Variants in MIOS observed in about 807,000 individuals in gnomAD.
MIOS encodes GATOR2 complex protein MIOS.
Under a neutral mutation model 96.9 loss-of-function variants are expected in MIOS, and 52 were observed. The observed-to-expected ratio is 0.54, with a 90% CI of 0.43 to 0.68. MIOS has a LOEUF of 0.68. MIOS is among the 30% of genes least tolerant of loss of function. The pLI, the probability that MIOS is intolerant of heterozygous loss-of-function variation, is 0.00. For missense variants in MIOS, 1,005 were observed against 1,052.8 expected (o/e 0.95, Z 0.63); for synonymous variants, 397 against 359.5 (o/e 1.10, Z -1.18).
intron 9 of MIOS, among the ~76,000 whole-genome samples, chr7:7,591,121 G>T (rs1220631073): frequency 6.6e-6 from 1 of 151,804 alleles, no homozygotes; most frequent in Non-Finnish European, 1.5e-5. Flanking sequence ...AGCATTCCTT[G>T]TAATATAGGT....
At chr7:7,588,934 A>G (rs933490798) in intron 8 of MIOS, among the ~76,000 whole-genome samples, 1 of 152,140 alleles carries the variant, frequency 6.6e-6, no homozygotes, top group Non-Finnish European at 1.5e-5. Flanking sequence ...CAGTAATACT[A>G]TATGCTAAGT....
chr7:7,593,896 G>A (rs7793749), intron 9 of MIOS, among the ~76,000 whole-genome samples: 103,418 of 126,642 alleles, frequency 0.82, 40,323 homozygotes, highest in Admixed American at 0.86. Flanking sequence ...AAAAAAAAAA[G>A]AAAAAGAAAA....
chr7:7,585,501 C>T (rs996609169), intron 6 of MIOS, 135 bp from the exon 7 acceptor site: 1 of 640,294 alleles, frequency 1.6e-6, no homozygotes, highest in Non-Finnish European at 2.3e-6. Context: ...GCAGAGCAGC[C>T]CAAAACCCTT....
At chr7:7,577,818 G>C (rs1334137048) in intron 5 of MIOS, among the ~76,000 whole-genome samples, 1 of 152,116 alleles carries the variant, frequency 6.6e-6, no homozygotes, top group Non-Finnish European at 1.5e-5. Flanking sequence ...GAGAAGAGGA[G>C]AGAGAGCTGT....
In MIOS at chr7:7,572,528, T is replaced by A. The variant is rs757519347; in HGVS notation, c.53T>A (p.Phe18Tyr). The change falls in exon 4 of 13, where the codon TTT becomes TAT. Residue 18 changes from phenylalanine (F) to tyrosine (Y), a missense_variant. Phe to Tyr is a conservative substitution (Grantham distance 22). Around this residue, in one of 3 missense-constraint regions of MIOS, gnomAD observed 137 missense variants for 148.6 expected, o/e 0.92. Coordinates refer to ENST00000340080, the MANE Select transcript of MIOS (RefSeq NM_019005.4). This position sits in a 1 kb window ranked among gnomAD's most constrained non-coding sequence, Gnocchi z 4.8. ...TGGGCACCACACCATGTTGATAGAT[T>A]TGTTGTGTGTGACTCAGAACTAAGT... ...ILWAPHHVDR[F>Y]VVCDSELSLY... 7 of 1,614,000 alleles carry A rather than the reference T, an allele frequency of 4.3e-6. No homozygotes were observed. The South Asian group carries it at 6.6e-5, about 15-fold the overall frequency.
chr7:7,587,313 C>G (rs1417381981), intron 7 of MIOS, among the ~76,000 whole-genome samples: 1 of 152,140 alleles, frequency 6.6e-6, no homozygotes, highest in Non-Finnish European at 1.5e-5. Flanking sequence ...AGCCGCCATG[C>G]CCTGCCCCAG....
intron 9 of MIOS, among the ~76,000 whole-genome samples, chr7:7,592,522 C>T (rs1264866738): frequency 6.6e-6 from 1 of 152,050 alleles, no homozygotes; most frequent in Non-Finnish European, 1.5e-5. Flanking sequence ...ATTATTATTG[C>T]ACTGTAATAC....
At chr7:7,600,591 G>C (rs572978096) in intron 11 of MIOS, among the ~76,000 whole-genome samples, 5 of 152,222 alleles carry the variant, frequency 3.3e-5, no homozygotes, top group Admixed American at 1.3e-4. Flanking sequence ...CCTACAAAGA[G>C]ACTTAGACTC....
At chr7:7,577,656 A>G (rs2115376339) in intron 5 of MIOS, among the ~76,000 whole-genome samples, 1 of 152,316 alleles carries the variant, frequency 6.6e-6, no homozygotes, top group South Asian at 2.1e-4. Context: ...TTAGCTTTAG[A>G]TACAAGGGTG....
Position 7,572,624 on chromosome 7 carries a change from C to G in MIOS, c.149C>G (p.Ala50Gly). Residue 50 changes from alanine to glycine, a missense_variant, in exon 4 of 13, where the codon GCA (alanine) becomes GGA (glycine). Around this residue, in one of 3 missense-constraint regions of MIOS, gnomAD observed 137 missense variants for 148.6 expected, o/e 0.92. Transcript: ENST00000340080. The surrounding 1 kb of genome is among the most constrained non-coding windows in gnomAD (Gnocchi z 4.8). ...TCTTTACGTTTATCTGAAGACTCTGCAGCTACATTACTGTCAATAAATTCA... is the reference window on the plus strand; with the variant it reads ...TCTTTACGTTTATCTGAAGACTCTGGAGCTACATTACTGTCAATAAATTCA... ...AGSLRLSEDSAATLLSINSDT... is the reference protein window; with the variant it reads ...AGSLRLSEDSGATLLSINSDT... 6.2e-7 allele frequency: 1 copy of G among 1,614,118 alleles called. No individual in the cohort carries two copies. The highest frequency in any genetic ancestry group is 1.1e-5 in the South Asian group (1 of 91,086).
At chr7:7,601,666 CTTCTGAAACTAT>C (rs1315030828) in intron 11 of MIOS, among the ~76,000 whole-genome samples, 7 of 152,290 alleles carry the variant, frequency 4.6e-5, no homozygotes, top group African/African-American at 1.7e-4. Flanking sequence ...GGTACCATTC[CTTCTGAAACTAT>C]TCCAATCAAT....
chr7:7,573,923 G>A lies in MIOS; in HGVS notation c.1294+154G>A, dbSNP rs969754485. Among the ~76,000 whole-genome samples the A allele has an allele frequency of 2.6e-5, 4 of 152,080 alleles. No homozygotes were observed. The East Asian group carries it at 5.8e-4, about 22-fold the overall frequency. The stretch of plus-strand genomic sequence containing the variant: ...TAAAGTAAAATTGTTCTAAACTTTC[G>A]AACTTGAAATACTGCTTTGTAGATT... On this transcript the variant is annotated intron_variant, in intron 4 of 12. Transcript: ENST00000340080. This position sits in a 1 kb window ranked among gnomAD's most constrained non-coding sequence, Gnocchi z 5.0.
intron 7 of MIOS, among the ~76,000 whole-genome samples, chr7:7,586,988 C>CTTTTTT (rs71988879): frequency 2.4e-5 from 3 of 123,046 alleles, no homozygotes; most frequent in African/African-American, 9.1e-5. Flanking sequence ...TTTTCTTTCC[C>CTTTTTT]TTTTTTTTTT....
At position 7,572,369 on chromosome 7, in the gene MIOS, A is replaced by T; in HGVS notation, c.-40-67A>T. 1.3e-6 allele frequency: 1 copy of T among 761,732 alleles called. No individual in the cohort carries two copies. The highest frequency in any genetic ancestry group is 2.7e-5 in the South Asian group (1 of 37,018). The allele number at this position is 761,732 out of a possible 1,614,324, so 47.2% of individuals were successfully genotyped here. On this transcript the variant is annotated intron_variant, in intron 3 of 12. Coordinates refer to ENST00000340080, the MANE Select transcript of MIOS (RefSeq NM_019005.4). This position sits in a 1 kb window ranked among gnomAD's most constrained non-coding sequence, Gnocchi z 4.8. ...TAGAGAATTTTCTGACTTTCTGAAT[A>T]GTTTATTCAACGTAAGAATTATATT...
Position 7,590,996 on chromosome 7 carries a change from GTTTT to G in MIOS, c.2043+1437_2043+1440del, listed in dbSNP as rs201678021. Among the ~76,000 whole-genome samples, 4 of 152,158 alleles carry G rather than the reference GTTTT, an allele frequency of 2.6e-5. No homozygotes were observed. The South Asian group carries it at 8.3e-4, about 32-fold the overall frequency. The stretch of plus-strand genomic sequence containing the variant: ...GATATTATATACTCCAACTTACAGT[GTTTT>G]TTTAACAGTCATTTGTCTTTTATGT... On this transcript the variant is annotated intron_variant, in intron 9 of 12. Coordinates refer to ENST00000340080, the MANE Select transcript of MIOS (RefSeq NM_019005.4).
intron 9 of MIOS, 139 bp from the exon 10 acceptor site, chr7:7,594,841 T>A (rs1784156739): frequency 2.0e-6 from 1 of 503,264 alleles, no homozygotes. Flanking sequence ...TTCTTTATTC[T>A]CATTAGGAGC....
chr7:7,602,776 A>G (rs926614470), intron 11 of MIOS, among the ~76,000 whole-genome samples: 2 of 152,092 alleles, frequency 1.3e-5, no homozygotes, highest in African/African-American at 4.8e-5. Context: ...ATCCCAAGCC[A>G]AAAGAACAAA....
At chr7:7,594,910 T>C in intron 9 of MIOS, 70 bp from the exon 10 acceptor site, 1 of 1,157,626 alleles carries the variant, frequency 8.6e-7, no homozygotes, top group Non-Finnish European at 1.2e-6. Flanking sequence ...CATACTTACA[T>C]GCTACCCAGA....
chr7:7,600,930 ACT>A (rs765012907), intron 11 of MIOS, among the ~76,000 whole-genome samples: 12 of 152,232 alleles, frequency 7.9e-5, no homozygotes, highest in Non-Finnish European at 1.3e-4. Context: ...AAACCGCTCA[ACT>A]ACATGGAAAC....
Sources: allele counts gnomAD v4.1 joint callset (sites outside exome capture counted in the v4.1 genomes callset), GRCh38; gene constraint gnomAD v4.1.1; regional missense constraint gnomAD v4.1.1; non-coding constraint Gnocchi (gnomAD v3.1); transcripts MANE v1.5; gene names NCBI Gene and HGNC (gene_info 2026-07-23, HGNC 2026-07-21).